Variants in DCC observed in about 807,000 individuals in gnomAD.
The protein encoded by DCC is DCC netrin 1 receptor.
Under a neutral mutation model 172.5 loss-of-function variants are expected in DCC, and 58 were observed. The ratio of observed to expected loss-of-function variants is 0.34; its 90% confidence interval spans 0.27 to 0.42. The LOEUF is 0.42. DCC is among the 10% of genes least tolerant of loss of function. The pLI is 1.00. For synonymous variants in DCC, 709 were observed against 644.5 expected (o/e 1.10, Z -1.52); for missense variants, 1,740 against 1,791.0 (o/e 0.97, Z 0.51).
chr18:52,582,609 T>C (rs1024771227), intron 1 of DCC, among the ~76,000 whole-genome samples: 3 of 152,198 alleles, frequency 2.0e-5, no homozygotes, highest in Admixed American at 1.3e-4. Flanking sequence ...AGTGCCTCTT[T>C]ACATTTTTAC....
chr18:53,166,271 G>T (rs1167619073), intron 8 of DCC, among the ~76,000 whole-genome samples: 1 of 152,074 alleles, frequency 6.6e-6, no homozygotes, highest in East Asian at 1.9e-4. Context: ...TTGAAATGAA[G>T]ATCATAAATT....
At chr18:52,824,967 CATATATAT>C (rs148347043) in intron 2 of DCC, among the ~76,000 whole-genome samples, 2 of 148,286 alleles carry the variant, frequency 1.3e-5, no homozygotes, top group Non-Finnish European at 3.0e-5. Context: ...GAGACTCCCT[CATATATAT>C]ATATATATGT....
At chr18:52,664,470 C>CTTTCT (rs2035424509) in intron 1 of DCC, among the ~76,000 whole-genome samples, 5 of 99,800 alleles carry the variant, frequency 5.0e-5, no homozygotes, top group African/African-American at 2.1e-4. Context: ...TTTTCTTTTT[C>CTTTCT]TTTTTCTTTT....
At chr18:52,823,557 AC>A (rs5824966) in intron 2 of DCC, among the ~76,000 whole-genome samples, 17,967 of 152,090 alleles carry the variant, frequency 0.12, 1,124 homozygotes, top group South Asian at 0.21. Context: ...TCTTGAGGCT[AC>A]CTGCTATTTT....
Position 53,428,162 on chromosome 18 carries a change from TAATA to T in DCC, c.3164-6981_3164-6978del, listed in dbSNP as rs1911169295. 7.7e-5 allele frequency among the ~76,000 whole-genome samples: 3 copies of T among 38,938 alleles called. 1 individual carries two copies. Among genetic ancestry groups the T allele is most frequent in the Non-Finnish European group, 1.8e-4 (3 of 16,254 alleles). 25.5% of individuals were successfully genotyped at this position (38,938 alleles called of 152,430 possible). A position where few individuals can be genotyped will look rare whatever the true frequency, so the allele number is the denominator to read the frequency against. ...TAATAATATATAATATATAATATAATAATATATAATATGTAATATATAATATAGA... is the reference window on the plus strand; with the variant it reads ...TAATAATATATAATATATAATATAATTATAATATGTAATATATAATATAGA... On this transcript the variant is annotated intron_variant, in intron 21 of 28. Coordinates refer to ENST00000442544, the MANE Select transcript of DCC (RefSeq NM_005215.4).
chr18:52,945,025 T>A (rs1196512251), intron 5 of DCC, among the ~76,000 whole-genome samples: 1 of 152,226 alleles, frequency 6.6e-6, no homozygotes, highest in Non-Finnish European at 1.5e-5. Context: ...TGTTCTAAAA[T>A]ACTCAATTTC....
chr18:53,015,661 G>T (rs1202212717), intron 5 of DCC, among the ~76,000 whole-genome samples: 5 of 151,852 alleles, frequency 3.3e-5, no homozygotes, highest in Non-Finnish European at 5.9e-5. Flanking sequence ...TAAATAAAAT[G>T]GTATTTTTTT....
chr18:52,550,441 TTGA>T (rs1568224878), intron 1 of DCC, among the ~76,000 whole-genome samples: 1 of 152,158 alleles, frequency 6.6e-6, no homozygotes, highest in Non-Finnish European at 1.5e-5. Flanking sequence ...TGTGTTCTAT[TTGA>T]TGAACGGTTT....
At chr18:53,107,653 T>G (rs1435736815) in intron 7 of DCC, among the ~76,000 whole-genome samples, 2 of 151,772 alleles carry the variant, frequency 1.3e-5, no homozygotes, top group African/African-American at 4.8e-5. Context: ...ATGACCTGAT[T>G]AAGAAATTAA....
chr18:52,601,705 A>T, intron 1 of DCC, among the ~76,000 whole-genome samples: 1 of 151,962 alleles, frequency 6.6e-6, no homozygotes, highest in Non-Finnish European at 1.5e-5. Flanking sequence ...TCATTTTAAA[A>T]CTTGTAGAAT....
chr18:53,023,528 G>A (rs1036186906), intron 5 of DCC, among the ~76,000 whole-genome samples: 3 of 150,746 alleles, frequency 2.0e-5, no homozygotes, highest in South Asian at 4.2e-4. Context: ...CCAGCACCAC[G>A]CAATTTACCC....
chr18:53,514,603 A>T (rs1598834740), intron 27 of DCC, among the ~76,000 whole-genome samples: 1 of 152,212 alleles, frequency 6.6e-6, no homozygotes, highest in Non-Finnish European at 1.5e-5. Flanking sequence ...ACAATAAAAA[A>T]TGATAAGGGG....
At chr18:52,853,787 C>T (rs1404579594) in intron 2 of DCC, among the ~76,000 whole-genome samples, 1 of 152,166 alleles carries the variant, frequency 6.6e-6, no homozygotes, top group Non-Finnish European at 1.5e-5. Context: ...GTAGAGATAA[C>T]CCAACATGCA....
intron 2 of DCC, among the ~76,000 whole-genome samples, chr18:52,803,309 G>A (rs1157770855): frequency 6.6e-6 from 1 of 152,150 alleles, no homozygotes; most frequent in Non-Finnish European, 1.5e-5. Flanking sequence ...GAGATGATGA[G>A]CATCACACGG....
chr18:52,572,592 T>TG lies in DCC; in HGVS notation c.92-179458dup, dbSNP rs2033324672. 5.9e-5 allele frequency among the ~76,000 whole-genome samples: 9 copies of TG among 152,210 alleles called. No individual in the cohort carries two copies. The South Asian group carries it at 1.9e-3, about 32-fold the overall frequency. ...AGGGCCGTGACTGTATTGTTGCCCGTGGGGCTTTGCTTTGAAGGCGTGCTA... is the reference window on the plus strand; with the variant it reads ...AGGGCCGTGACTGTATTGTTGCCCGTGGGGGCTTTGCTTTGAAGGCGTGCTA... On this transcript the variant is annotated intron_variant, in intron 1 of 28. Transcript: ENST00000442544.
intron 9 of DCC, among the ~76,000 whole-genome samples, chr18:53,188,181 G>T (rs1472449236): frequency 2.0e-5 from 3 of 152,062 alleles, no homozygotes; most frequent in African/African-American, 7.2e-5. Flanking sequence ...CCATTGAAAT[G>T]TGCAACCAAT....
intron 2 of DCC, among the ~76,000 whole-genome samples, chr18:52,882,285 C>G (rs780248297): frequency 2.0e-5 from 3 of 150,556 alleles, no homozygotes; most frequent in Non-Finnish European, 4.5e-5. Context: ...TTATAGGGAT[C>G]CTTTAGGTTT....
chr18:53,352,748 A>G (rs1249524954), intron 15 of DCC, among the ~76,000 whole-genome samples: 1 of 152,138 alleles, frequency 6.6e-6, no homozygotes, highest in Non-Finnish European at 1.5e-5. Flanking sequence ...GGTTTAGTTT[A>G]TAACTGCTAT....
chr18:52,508,582 C>T (rs1342540944), intron 1 of DCC, among the ~76,000 whole-genome samples: 1 of 152,090 alleles, frequency 6.6e-6, no homozygotes, highest in Non-Finnish European at 1.5e-5. Context: ...TAAAGTAATT[C>T]CACACAGCAT....
Sources: gnomAD v4.1 joint callset for allele counts (sites outside exome capture counted in the v4.1 genomes callset) on GRCh38, gnomAD v4.1.1 for gene constraint, MANE v1.5 for transcripts, NCBI Gene and HGNC (gene_info 2026-07-23, HGNC 2026-07-21) for gene names.